Variants in GLP2R observed in about 807,000 individuals in gnomAD.
The protein encoded by GLP2R is glucagon like peptide 2 receptor.
Under a neutral mutation model 68.2 loss-of-function variants are expected in GLP2R, and 59 were observed. The observed-to-expected ratio is 0.87, with a 90% CI of 0.70 to 1.07. GLP2R has a LOEUF of 1.07. Among genes scored for constraint, GLP2R ranks in the 50% least tolerant of loss-of-function variants. GLP2R has a pLI of 0.00. For synonymous variants in GLP2R, 270 were observed against 265.4 expected (o/e 1.02, Z -0.17); for missense variants, 548 against 677.4 (o/e 0.81, Z 2.12).
Position 9,880,117 on chromosome 17 carries a change from T to A in GLP2R, c.1146-261T>A, listed in dbSNP as rs150147227. Among the ~76,000 whole-genome samples, 991 of 152,338 alleles carry A rather than the reference T, an allele frequency of 6.5e-3. 7 individuals are homozygous for A. The highest frequency in any genetic ancestry group is 9.0e-3 in the Non-Finnish European group (614 of 68,020). On this transcript the variant is annotated intron_variant, in intron 10 of 12. Transcript: ENST00000262441. Reference sequence around the variant, plus strand: ...CAAAACTTTAAGAGCTACAGACATATGACAATCTATACAGGGGAATTTATG... The same window carrying A: ...CAAAACTTTAAGAGCTACAGACATAAGACAATCTATACAGGGGAATTTATG...
At chr17:9,836,669 G>A (rs1597377375) in intron 3 of GLP2R, among the ~76,000 whole-genome samples, 194 bp downstream of exon 3, 1 of 152,006 alleles carries the variant, frequency 6.6e-6, no homozygotes, top group Non-Finnish European at 1.5e-5. Context: ...TTACATAGTA[G>A]GTGTATATAT....
chr17:9,842,876 G>A (rs547604160), intron 4 of GLP2R, among the ~76,000 whole-genome samples: 1 of 152,256 alleles, frequency 6.6e-6, no homozygotes, highest in East Asian at 1.9e-4. Flanking sequence ...GCTGTTCCCC[G>A]TGCCTGGAGC....
chr17:9,839,655 G>A (rs1022815992), intron 3 of GLP2R, among the ~76,000 whole-genome samples: 1 of 152,106 alleles, frequency 6.6e-6, no homozygotes, highest in Non-Finnish European at 1.5e-5. Context: ...TTCACATTCT[G>A]TCTCCCCAGC....
chr17:9,855,302 G>A (rs996354022), intron 5 of GLP2R, among the ~76,000 whole-genome samples: 2 of 152,204 alleles, frequency 1.3e-5, no homozygotes, highest in Admixed American at 1.3e-4. Flanking sequence ...GGATGGCAAT[G>A]TCCCAATCAG....
At position 9,862,080 on chromosome 17, in the gene GLP2R, T is replaced by C. The variant is rs201983334; in HGVS notation, c.1046T>C (p.Leu349Pro). ...TGGATCATCCGAGGACCCATGATGCTCTGTGTAACAGTAAGGACCATCCCA... is the reference window on the plus strand; with the variant it reads ...TGGATCATCCGAGGACCCATGATGCCCTGTGTAACAGTAAGGACCATCCCA... Reference protein sequence around the residue: ...IWWIIRGPMMLCVTVNFFIFL... With the variant: ...IWWIIRGPMMPCVTVNFFIFL... Residue 349 changes from leucine (L) to proline (P), a missense_variant, in exon 9 of 13, where the codon CTC becomes CCC. By Grantham distance (98) the Leu-to-Pro change is moderately conservative (BLOSUM62 -3). Transcript: ENST00000262441. 2.5e-6 allele frequency: 4 copies of C among 1,612,392 alleles called. No individual in the cohort carries two copies. Among genetic ancestry groups the C allele is most frequent in the South Asian group, 2.2e-5 (2 of 91,024 alleles).
At chr17:9,842,962 A>G (rs927593614) in intron 4 of GLP2R, among the ~76,000 whole-genome samples, 2 of 152,112 alleles carry the variant, frequency 1.3e-5, no homozygotes, top group African/African-American at 4.8e-5. Flanking sequence ...TCAAAGAGAG[A>G]TCTTCCAGGG....
Position 9,852,659 on chromosome 17 carries a change from T to G in GLP2R, c.505-1836T>G, listed in dbSNP as rs2066902087. 5.4e-5 allele frequency: 10 copies of G among 185,328 alleles called. No individual in the cohort carries two copies. In the South Asian group the frequency reaches 1.1e-3, roughly 21 times the overall value. 11.5% of individuals were successfully genotyped at this position (185,328 alleles called of 1,614,324 possible). A position where few individuals can be genotyped will look rare whatever the true frequency, so the allele number is the denominator to read the frequency against. Reference sequence around the variant, plus strand: ...GAAAATAAATAAATAAAACCCAAACTTGGTTATTTAATCTTGGTGTTGATG... The same window carrying G: ...GAAAATAAATAAATAAAACCCAAACGTGGTTATTTAATCTTGGTGTTGATG... On this transcript the variant is annotated intron_variant, in intron 4 of 12. Coordinates refer to ENST00000262441, the MANE Select transcript of GLP2R (RefSeq NM_004246.3).
intron 10 of GLP2R, among the ~76,000 whole-genome samples, chr17:9,874,180 C>T (rs1053162198): frequency 3.9e-5 from 6 of 152,084 alleles, no homozygotes; most frequent in African/African-American, 4.8e-5. Context: ...CTGGAGGGTG[C>T]GTACCCACCA....
intron 10 of GLP2R, among the ~76,000 whole-genome samples, chr17:9,879,475 T>A (rs1356000469): frequency 6.6e-6 from 1 of 151,898 alleles, no homozygotes; most frequent in Non-Finnish European, 1.5e-5. Flanking sequence ...CCAGCATGGG[T>A]GACAGAGGGA....
Position 9,889,905 on chromosome 17 carries a change from C to A in GLP2R, c.*200C>A, listed in dbSNP as rs1214064822. 1.5e-6 allele frequency: 1 copy of A among 645,584 alleles called. No homozygotes were observed. The highest frequency in any genetic ancestry group is 2.8e-6 in the Non-Finnish European group (1 of 353,450). The allele number at this position is 645,584 out of a possible 1,614,324, so 40.0% of individuals were successfully genotyped here. On this transcript the variant is annotated 3_prime_UTR_variant, in exon 13 of 13. Coordinates refer to ENST00000262441, the MANE Select transcript of GLP2R (RefSeq NM_004246.3). Reference sequence around the variant, plus strand: ...GTGTCATGCTCACAGCCTCTGCCTGCTCTTCTCATCCTAATAACCCCCACC... The same window carrying A: ...GTGTCATGCTCACAGCCTCTGCCTGATCTTCTCATCCTAATAACCCCCACC...
chr17:9,834,287 A>G (rs1024613987), intron 2 of GLP2R, among the ~76,000 whole-genome samples: 3 of 152,310 alleles, frequency 2.0e-5, no homozygotes, highest in African/African-American at 4.8e-5. Flanking sequence ...GTAAGGAAAC[A>G]TATGAAACCA....
intron 2 of GLP2R, among the ~76,000 whole-genome samples, chr17:9,836,039 C>CAAAA (rs10706067): frequency 1.8e-3 from 152 of 86,608 alleles, no homozygotes; most frequent in Non-Finnish European, 2.4e-3. Context: ...ACTCCATCTC[C>CAAAA]AAAAAAAAAA....
intron 5 of GLP2R, among the ~76,000 whole-genome samples, chr17:9,855,935 T>A (rs140583118): frequency 2.0e-5 from 3 of 152,292 alleles, no homozygotes; most frequent in African/African-American, 7.2e-5. Context: ...TCCAAAGCTG[T>A]CTCTGGTCTC....
intron 5 of GLP2R, among the ~76,000 whole-genome samples, chr17:9,856,124 C>A (rs80060439): frequency 2.0e-5 from 3 of 152,164 alleles, no homozygotes; most frequent in Admixed American, 2.0e-4. Context: ...ACCATCTACC[C>A]CATTGGGAGA....
At chr17:9,880,848 G>A (rs149314888) in intron 11 of GLP2R, among the ~76,000 whole-genome samples, 182 of 152,268 alleles carry the variant, frequency 1.2e-3, no homozygotes, top group Non-Finnish European at 2.2e-3. Flanking sequence ...AGAGCATTGT[G>A]CAAAGTAAAC....
intron 4 of GLP2R, among the ~76,000 whole-genome samples, chr17:9,845,528 C>T (rs2066829007): frequency 1.3e-5 from 2 of 152,112 alleles, no homozygotes; most frequent in Admixed American, 1.3e-4. Flanking sequence ...GATTCATCCA[C>T]CTCCTGGCAC....
intron 4 of GLP2R, chr17:9,853,408 C>T (rs1417321461): frequency 1.3e-5 from 2 of 154,692 alleles, no homozygotes; most frequent in African/African-American, 4.8e-5. Flanking sequence ...ACCAGCCAAA[C>T]TTGGTTACTT....
intron 1 of GLP2R, among the ~76,000 whole-genome samples, chr17:9,831,714 A>C (rs933350387): frequency 1.3e-5 from 2 of 152,222 alleles, no homozygotes; most frequent in Non-Finnish European, 2.9e-5. Context: ...GACTGTAGGC[A>C]GGAGAGCCCT....
At chr17:9,833,127 G>A (rs796148413) in intron 1 of GLP2R, among the ~76,000 whole-genome samples, 9 of 152,132 alleles carry the variant, frequency 5.9e-5, no homozygotes, top group African/African-American at 2.2e-4. Context: ...GCTGAGCACG[G>A]TGGTGCGCAC....
Sources: allele counts gnomAD v4.1 joint callset (sites outside exome capture counted in the v4.1 genomes callset), GRCh38; gene constraint gnomAD v4.1.1; transcripts MANE v1.5; gene names NCBI Gene and HGNC (gene_info 2026-07-23, HGNC 2026-07-21).